The following TAFA5 variants were observed in gnomAD, a reference collection of about 807,000 sequenced individuals.
TAFA5 encodes chemokine-like protein TAFA-5.
TAFA5 carries 6 observed loss-of-function variants against 15.3 expected under a neutral mutation model. The ratio of observed to expected loss-of-function variants is 0.39; its 90% CI spans 0.21 to 0.77. The LOEUF (loss-of-function observed/expected upper bound fraction) is 0.77, where lower values mean the gene tolerates loss of function less well. Among genes scored for constraint, TAFA5 ranks in the 30% least tolerant of loss-of-function variants. TAFA5 has a pLI of 0.41. For synonymous variants in TAFA5, 103 were observed against 80.7 expected, an observed-to-expected ratio of 1.28 and a Z score of -1.48; for missense variants, 161 against 193.1, an observed-to-expected ratio of 0.83 and a Z score of 0.98.
At chr22:48,570,793 A>G (rs1304309137) in intron 1 of TAFA5, among the ~76,000 whole-genome samples, 7 of 152,024 alleles carry the variant, frequency 4.6e-5, no homozygotes, top group African/African-American at 1.7e-4. Context: ...ATTAAAGGAC[A>G]TTTATAGTAC....
At chr22:48,698,184 G>A (rs1448210167) in intron 2 of TAFA5, among the ~76,000 whole-genome samples, 1 of 150,498 alleles carries the variant, frequency 6.6e-6, no homozygotes, top group Non-Finnish European at 1.5e-5. Flanking sequence ...TGATGGTGGT[G>A]ATGATGATGG....
intron 1 of TAFA5, among the ~76,000 whole-genome samples, chr22:48,581,291 G>A (rs562014703): frequency 4.6e-5 from 7 of 152,198 alleles, no homozygotes; most frequent in Non-Finnish European, 7.3e-5. Flanking sequence ...TGCAAGGGCC[G>A]AGCCAGTCCC....
chr22:48,556,862 G>A (rs954297316), intron 1 of TAFA5, among the ~76,000 whole-genome samples: 1 of 152,234 alleles, frequency 6.6e-6, no homozygotes, highest in Non-Finnish European at 1.5e-5. Context: ...GCACTGTCCA[G>A]CTCCGGGGAT....
At chr22:48,536,076 C>A (rs563470828) in intron 1 of TAFA5, among the ~76,000 whole-genome samples, 1 of 152,246 alleles carries the variant, frequency 6.6e-6, no homozygotes, top group Non-Finnish European at 1.5e-5. Context: ...CGCTTGGTGC[C>A]GCATGCAGCG....
intron 3 of TAFA5, among the ~76,000 whole-genome samples, chr22:48,720,061 C>T (rs1200834772): frequency 6.6e-6 from 1 of 152,176 alleles, no homozygotes; most frequent in East Asian, 1.9e-4. Flanking sequence ...TTCTTTGAAT[C>T]GTTTTAAATA....
chr22:48,700,675 G>A (rs919069784), intron 2 of TAFA5, among the ~76,000 whole-genome samples: 9 of 152,148 alleles, frequency 5.9e-5, no homozygotes, highest in Non-Finnish European at 8.8e-5. Flanking sequence ...CTGTGTGCAC[G>A]CACTCCAGGG....
At chr22:48,730,458 G>T (rs13057630) in intron 3 of TAFA5, among the ~76,000 whole-genome samples, 30,831 of 152,076 alleles carry the variant, frequency 0.2, 3,419 homozygotes, top group Admixed American at 0.31. Context: ...AGTGCGTCTT[G>T]CTACAGGCCC....
At chr22:48,619,331 C>T (rs1925722869) in intron 1 of TAFA5, among the ~76,000 whole-genome samples, 2 of 151,460 alleles carry the variant, frequency 1.3e-5, no homozygotes, top group Non-Finnish European at 2.9e-5. Context: ...TGGGTGAAGG[C>T]ACATGGACCA....
intron 2 of TAFA5, among the ~76,000 whole-genome samples, chr22:48,684,963 G>A (rs5771716): frequency 0.57 from 86,737 of 152,064 alleles, 26,557 homozygotes; most frequent in Non-Finnish European, 0.68. Context: ...CATGGCCTTG[G>A]GTGATAGTCT....
At chr22:48,747,358 C>T (rs1930358331) in intron 3 of TAFA5, among the ~76,000 whole-genome samples, 2 of 152,176 alleles carry the variant, frequency 1.3e-5, no homozygotes, top group Admixed American at 1.3e-4. Flanking sequence ...AGCGTTGGGG[C>T]CTTGGTTGTG....
Position 48,550,730 on chromosome 22 carries a change from A to C in TAFA5, c.112+61026A>C, listed in dbSNP as rs1335085526. ...TGGGTGTGGAGTCCGGACAAGGTAC[A>C]TCCTGATCCAGGGCCCCCTACTCTG... On this transcript the variant is annotated intron_variant, in intron 1 of 3. Coordinates refer to ENST00000402357, the MANE Select transcript of TAFA5 (RefSeq NM_001082967.3). The surrounding 1 kb of genome is among the most constrained non-coding windows in gnomAD (Gnocchi z 4.1). 2.6e-5 allele frequency among the ~76,000 whole-genome samples: 4 copies of C among 151,950 alleles called. No homozygotes were observed. Among genetic ancestry groups the C allele is most frequent in the African/African-American group, 2.4e-5 (1 of 41,368 alleles).
chr22:48,619,059 G>A (rs1015475331), intron 1 of TAFA5, among the ~76,000 whole-genome samples: 1 of 152,348 alleles, frequency 6.6e-6, no homozygotes, highest in East Asian at 1.9e-4. Context: ...CACGTCAGCT[G>A]TTCGGCTTTC....
At chr22:48,571,094 C>A (rs1436335305) in intron 1 of TAFA5, among the ~76,000 whole-genome samples, 1 of 152,080 alleles carries the variant, frequency 6.6e-6, no homozygotes, top group Non-Finnish European at 1.5e-5. Context: ...TCTGAATCCC[C>A]TCAAATGGTA....
In TAFA5 at chr22:48,535,874, G is replaced by A. The variant is rs540053931; in HGVS notation, c.112+46170G>A. Among the ~76,000 whole-genome samples, 6 of 151,596 alleles carry A rather than the reference G, an allele frequency of 4.0e-5. No homozygotes were observed. In the East Asian group the frequency reaches 1.2e-3, roughly 30 times the overall value. On this transcript the variant is annotated intron_variant, in intron 1 of 3. Transcript: ENST00000402357. ...CACGGTCACACCGGCACATGTATGAGCACTCGTGTGTGTGCACACAGGCTG... is the reference window on the plus strand; with the variant it reads ...CACGGTCACACCGGCACATGTATGAACACTCGTGTGTGTGCACACAGGCTG...
At chr22:48,698,454 T>C (rs148385505) in intron 2 of TAFA5, among the ~76,000 whole-genome samples, 1,701 of 151,760 alleles carry the variant, frequency 0.011, 19 homozygotes, top group South Asian at 0.027. Flanking sequence ...ATGGTGATGA[T>C]GATGATGGTA....
intron 2 of TAFA5, among the ~76,000 whole-genome samples, chr22:48,677,184 G>C (rs1928002392): frequency 6.6e-6 from 1 of 152,260 alleles, no homozygotes; most frequent in Non-Finnish European, 1.5e-5. Context: ...TGCCTTCTGA[G>C]TGCCCGTCGG....
At chr22:48,507,742 C>T (rs922026037) in intron 1 of TAFA5, among the ~76,000 whole-genome samples, 4 of 152,132 alleles carry the variant, frequency 2.6e-5, no homozygotes, top group Non-Finnish European at 4.4e-5. Flanking sequence ...TCGACCGGGA[C>T]TGCCCCTAGG....
At chr22:48,741,571 A>G (rs1008186156) in intron 3 of TAFA5, among the ~76,000 whole-genome samples, 2 of 152,190 alleles carry the variant, frequency 1.3e-5, no homozygotes, top group Non-Finnish European at 2.9e-5. Flanking sequence ...TAGGGCCTTA[A>G]AGGAGAGAAG....
intron 1 of TAFA5, among the ~76,000 whole-genome samples, chr22:48,629,429 G>A (rs544393453): frequency 1.3e-5 from 2 of 152,204 alleles, no homozygotes; most frequent in Non-Finnish European, 2.9e-5. Flanking sequence ...GCCCCCCTCC[G>A]GATGCCCCAC....
Sources: allele counts gnomAD v4.1 joint callset (sites outside exome capture counted in the v4.1 genomes callset), GRCh38; gene constraint gnomAD v4.1.1; non-coding constraint Gnocchi (gnomAD v3.1); transcripts MANE v1.5; gene names NCBI Gene and HGNC (gene_info 2026-07-23, HGNC 2026-07-21).